TMEM74: variants seen among roughly 807,000 people sequenced by gnomAD.
TMEM74 encodes transmembrane protein 74.
Under a neutral mutation model 18.1 loss-of-function variants are expected in TMEM74, and 13 were observed. The ratio of observed to expected loss-of-function variants is 0.72; its 90% CI spans 0.47 to 1.14. The LOEUF (loss-of-function observed/expected upper bound fraction) is 1.14. Among genes scored for constraint, TMEM74 ranks in the 50% most tolerant of loss-of-function variants. The pLI, the probability that TMEM74 is intolerant of heterozygous loss-of-function variation, is 0.00. For synonymous variants in TMEM74, 159 were observed against 146.6 expected (o/e 1.08, Z -0.61); for missense variants, 372 against 375.9 (o/e 0.99, Z 0.09).
At chr8:108,667,883 T>C (rs1234073277) in intron 1 of TMEM74, among the ~76,000 whole-genome samples, 1 of 152,158 alleles carries the variant, frequency 6.6e-6, no homozygotes, top group Non-Finnish European at 1.5e-5. Flanking sequence ...GAACGCCTAG[T>C]ACCTCCTCCC....
At chr8:108,765,758 T>G (rs544221837) in intron 1 of TMEM74, among the ~76,000 whole-genome samples, 1 of 152,120 alleles carries the variant, frequency 6.6e-6, no homozygotes, top group South Asian at 2.1e-4. Flanking sequence ...ATCACATACT[T>G]AACAATTTAT....
In TMEM74 at chr8:108,784,489, C is replaced by A. The variant is rs1237362981; in HGVS notation, c.610G>T (p.Val204Leu). ...ISYIVPREVT[V>L]DPNTVAAREM... Reference sequence around the variant, plus strand: ...CGGGCTGCCACAGTGTTGGGGTCCACAGTCACTTCCCGTGGGACGATGTAA... The same window carrying A: ...CGGGCTGCCACAGTGTTGGGGTCCAAAGTCACTTCCCGTGGGACGATGTAA... Residue 204 changes from valine (V) to leucine (L), a missense_variant, in exon 2 of 2, where the codon GTG becomes TTG. Transcript: ENST00000297459. 6.2e-7 allele frequency: 1 copy of A among 1,614,204 alleles called. No homozygotes were observed. The highest frequency in any genetic ancestry group is 8.5e-7 in the Non-Finnish European group (1 of 1,180,036).
downstream of TMEM74, among the ~76,000 whole-genome samples, chr8:108,777,749 A>T (rs1185622770): frequency 6.6e-6 from 1 of 152,184 alleles, no homozygotes; most frequent in Non-Finnish European, 1.5e-5. Flanking sequence ...GTTATTTGAC[A>T]TTCTCCAGCT....
intron 1 of TMEM74, among the ~76,000 whole-genome samples, chr8:108,685,488 T>C (rs1262319185): frequency 6.6e-6 from 1 of 152,044 alleles, no homozygotes; most frequent in Admixed American, 6.6e-5. Flanking sequence ...TTTAATGAAG[T>C]CAAGCTAAAA....
chr8:108,626,825 T>C (rs1812499085), intron 2 of TMEM74: 2 of 151,984 alleles, frequency 1.3e-5, no homozygotes, highest in African/African-American at 4.8e-5. Context: ...TTATCAACAC[T>C]TCATACTTCA....
Position 108,725,813 on chromosome 8 carries a change from T to C in TMEM74, n.119+61663A>G, listed in dbSNP as rs928848313. 6.6e-5 allele frequency among the ~76,000 whole-genome samples: 10 copies of C among 152,192 alleles called. 1 individual carries two copies. The highest frequency in any genetic ancestry group is 6.5e-4 in the Admixed American group (10 of 15,280). On this transcript the variant is annotated intron_variant and non_coding_transcript_variant, in intron 1 of 3. Transcript: ENST00000518838. ...CAAAGATTATATTAATTAATCAGGA[T>C]ATGTGTTATTGCAGAAATTTGAGAT...
At chr8:108,699,789 T>C (rs1253954477) in intron 1 of TMEM74, among the ~76,000 whole-genome samples, 4 of 152,188 alleles carry the variant, frequency 2.6e-5, no homozygotes. Flanking sequence ...GGTTTATCTA[T>C]ACTAGAACAT....
rs768684104 is a variant in TMEM74, at chr8:108,784,715, TGGC to T, written c.381_383del (p.Pro128del). 3.1e-6 allele frequency: 5 copies of T among 1,614,222 alleles called. No individual in the cohort carries two copies. The highest frequency in any genetic ancestry group is 3.4e-6 in the Non-Finnish European group (4 of 1,180,028). Reference sequence around the variant, plus strand: ...CAGGGTGATTATGCCCTTTTGCTGATGGCGAGCTCCGGTTCCGCTGCTCCAAGT... The same window carrying T: ...CAGGGTGATTATGCCCTTTTGCTGATGAGCTCCGGTTCCGCTGCTCCAAGT... On this transcript the variant is annotated inframe_deletion, in exon 2 of 2. Coordinates refer to ENST00000297459, the MANE Select transcript of TMEM74 (RefSeq NM_153015.3).
At chr8:108,696,600 T>A (rs1813283829) in intron 1 of TMEM74, among the ~76,000 whole-genome samples, 1 of 152,218 alleles carries the variant, frequency 6.6e-6, no homozygotes, top group Non-Finnish European at 1.5e-5. Flanking sequence ...TCAAAGTCAG[T>A]TTCTGAAAGA....
At chr8:108,747,051 T>C (rs61319473) in intron 1 of TMEM74, among the ~76,000 whole-genome samples, 8,642 of 152,142 alleles carry the variant, frequency 0.057, 340 homozygotes, top group East Asian at 0.13. Context: ...GTCAGGGGAA[T>C]CTTGAATTGA....
chr8:108,680,904 C>T (rs1453195318), intron 1 of TMEM74, among the ~76,000 whole-genome samples: 2 of 152,128 alleles, frequency 1.3e-5, no homozygotes, highest in African/African-American at 2.4e-5. Flanking sequence ...CATGAGTGAA[C>T]TCCCATTCAC....
intron 1 of TMEM74, among the ~76,000 whole-genome samples, chr8:108,769,473 T>C (rs531785603): frequency 9.8e-4 from 149 of 152,260 alleles, no homozygotes; most frequent in Non-Finnish European, 1.4e-3. Flanking sequence ...TTCTTTTCTC[T>C]CTGCTGTCCT....
intron 2 of TMEM74, among the ~76,000 whole-genome samples, chr8:108,634,354 T>A (rs1160418616): frequency 6.6e-6 from 1 of 151,992 alleles, no homozygotes; most frequent in Non-Finnish European, 1.5e-5. Context: ...TGGGCATGCT[T>A]TAACATTATT....
At chr8:108,619,155 G>A (rs1263009475) in intron 2 of TMEM74, among the ~76,000 whole-genome samples, 1 of 152,146 alleles carries the variant, frequency 6.6e-6, no homozygotes. Flanking sequence ...TTATTAAGTG[G>A]TAGGGTAAGT....
chr8:108,702,145 C>A (rs1813341760), intron 1 of TMEM74, among the ~76,000 whole-genome samples: 1 of 151,750 alleles, frequency 6.6e-6, no homozygotes, highest in Non-Finnish European at 1.5e-5. Context: ...GAGTTTGAGA[C>A]CTGCCTGGCC....
chr8:108,648,643 T>C (rs542043684), intron 2 of TMEM74, among the ~76,000 whole-genome samples: 1 of 151,966 alleles, frequency 6.6e-6, no homozygotes, highest in East Asian at 1.9e-4. Flanking sequence ...GTAGCTGTCA[T>C]AGAGAGATTT....
intron 1 of TMEM74, among the ~76,000 whole-genome samples, chr8:108,741,748 C>T (rs948423352): frequency 2.0e-5 from 3 of 152,102 alleles, no homozygotes; most frequent in African/African-American, 4.8e-5. Flanking sequence ...AACAAGGATA[C>T]CTTACTAATG....
intron 1 of TMEM74, among the ~76,000 whole-genome samples, chr8:108,742,386 T>C (rs575322809): frequency 6.6e-6 from 1 of 152,332 alleles, no homozygotes; most frequent in African/African-American, 2.4e-5. Flanking sequence ...ACAAAATTCA[T>C]TTTTAATGCA....
chr8:108,709,417 A>G (rs898683749), intron 1 of TMEM74, among the ~76,000 whole-genome samples: 2 of 152,232 alleles, frequency 1.3e-5, no homozygotes, highest in Non-Finnish European at 2.9e-5. Context: ...AAGTGAAATA[A>G]GTAGTATTTG....
Sources: gnomAD v4.1 joint callset for allele counts (sites outside exome capture counted in the v4.1 genomes callset) on GRCh38, gnomAD v4.1.1 for gene constraint, MANE v1.5 for transcripts, NCBI Gene and HGNC (gene_info 2026-07-23, HGNC 2026-07-21) for gene names.